SOX5: variants seen among roughly 807,000 people sequenced by gnomAD.
The protein encoded by SOX5 is transcription factor SOX-5.
SOX5 carries 9 observed loss-of-function variants against 92.0 expected under a neutral mutation model. The ratio of observed to expected loss-of-function variants is 0.10; its 90% confidence interval spans 0.06 to 0.17. SOX5 has a LOEUF of 0.17. Among genes scored for constraint, SOX5 ranks in the 10% least tolerant of loss-of-function variants. The pLI is 1.00. For synonymous variants in SOX5, 344 were observed against 336.3 expected (o/e 1.02, Z -0.25); for missense variants, 642 against 944.5 (o/e 0.68, Z 4.20).
At chr12:23,734,328 T>C (rs1205351270) in intron 6 of SOX5, among the ~76,000 whole-genome samples, 1 of 152,190 alleles carries the variant, frequency 6.6e-6, no homozygotes, top group Non-Finnish European at 1.5e-5. Flanking sequence ...CTTCTCTAAC[T>C]GAAAACCCAG....
At chr12:24,176,195 G>C (rs35546197) in intron 4 of SOX5, among the ~76,000 whole-genome samples, 1 of 152,000 alleles carries the variant, frequency 6.6e-6, no homozygotes, top group African/African-American at 2.4e-5. Flanking sequence ...TGGGTGTGGT[G>C]GTGCATGACT....
intron 6 of SOX5, among the ~76,000 whole-genome samples, chr12:23,681,840 AAT>A (rs1202206705): frequency 2.0e-5 from 3 of 151,814 alleles, no homozygotes; most frequent in African/African-American, 7.2e-5. Context: ...ATGAACATGA[AAT>A]AGTTTATAAT....
intron 2 of SOX5, among the ~76,000 whole-genome samples, chr12:23,890,432 T>C (rs2097118118): frequency 6.6e-6 from 1 of 152,154 alleles, no homozygotes; most frequent in South Asian, 2.1e-4. Flanking sequence ...TGACAACTGA[T>C]TATTCAACAA....
At chr12:23,691,242 C>A (rs2088736742) in intron 6 of SOX5, among the ~76,000 whole-genome samples, 1 of 152,198 alleles carries the variant, frequency 6.6e-6, no homozygotes, top group African/African-American at 2.4e-5. Flanking sequence ...ATGAGTACCA[C>A]AAGATTCCTA....
intron 4 of SOX5, among the ~76,000 whole-genome samples, chr12:24,087,841 A>G (rs532926785): frequency 3.9e-5 from 6 of 152,178 alleles, no homozygotes; most frequent in African/African-American, 1.4e-4. Flanking sequence ...AAACCACTCT[A>G]AATATTCACA....
chr12:24,257,566 T>C (rs1941409717), intron 3 of SOX5, among the ~76,000 whole-genome samples: 1 of 152,078 alleles, frequency 6.6e-6, no homozygotes, highest in East Asian at 1.9e-4. Context: ...CCTACCAGGT[T>C]CAAGCAATTC....
intron 9 of SOX5, among the ~76,000 whole-genome samples, chr12:23,598,201 C>T (rs1372384664): frequency 6.6e-6 from 1 of 152,046 alleles, no homozygotes; most frequent in African/African-American, 2.4e-5. Flanking sequence ...TTGGAAATAA[C>T]ACCTCTAGAA....
At chr12:24,136,385 C>T (rs1039306877) in intron 4 of SOX5, among the ~76,000 whole-genome samples, 60 of 152,226 alleles carry the variant, frequency 3.9e-4, no homozygotes, top group Admixed American at 2.6e-3. Flanking sequence ...GGAGAGCAAG[C>T]AAGCATTGTT....
intron 4 of SOX5, among the ~76,000 whole-genome samples, chr12:24,064,824 T>G (rs974565646): frequency 2.4e-4 from 37 of 152,200 alleles, no homozygotes; most frequent in Admixed American, 2.6e-4. Context: ...TTCAAAATCT[T>G]CCTGCTAATA....
chr12:24,270,454 A>G (rs1197204965), intron 3 of SOX5, among the ~76,000 whole-genome samples: 1 of 152,206 alleles, frequency 6.6e-6, no homozygotes, highest in African/African-American at 2.4e-5. Flanking sequence ...TATTTCTCCC[A>G]CTTAAAGCAT....
At chr12:23,940,190 A>G (rs1454299569) in intron 1 of SOX5, among the ~76,000 whole-genome samples, 3 of 151,314 alleles carry the variant, frequency 2.0e-5, no homozygotes, top group Non-Finnish European at 3.0e-5. Flanking sequence ...ATTGTTCAGA[A>G]TAGTGATCTG....
intron 4 of SOX5, among the ~76,000 whole-genome samples, chr12:24,123,552 T>C (rs543830842): frequency 6.6e-6 from 1 of 152,322 alleles, no homozygotes; most frequent in South Asian, 2.1e-4. Flanking sequence ...CATCATGTAG[T>C]TGAAATGTGA....
intron 1 of SOX5, among the ~76,000 whole-genome samples, chr12:24,548,292 C>T (rs1952837628): frequency 6.6e-6 from 1 of 152,144 alleles, no homozygotes; most frequent in Admixed American, 6.5e-5. Flanking sequence ...ACAATAGATG[C>T]TGAAAGCCAT....
intron 2 of SOX5, among the ~76,000 whole-genome samples, chr12:23,894,313 T>G (rs2097156988): frequency 6.6e-6 from 1 of 151,996 alleles, no homozygotes; most frequent in East Asian, 1.9e-4. Flanking sequence ...CTGCAACCTC[T>G]GCCTCCTGGG....
chr12:23,782,288 T>C (rs564692148), intron 3 of SOX5, among the ~76,000 whole-genome samples: 1 of 152,160 alleles, frequency 6.6e-6, no homozygotes, highest in Non-Finnish European at 1.5e-5. Context: ...ACAATGAGAA[T>C]ACGTGTGATC....
intron 3 of SOX5, among the ~76,000 whole-genome samples, chr12:24,249,711 T>C (rs74068470): frequency 0.016 from 2,419 of 152,278 alleles, 41 homozygotes; most frequent in African/African-American, 0.049. Flanking sequence ...TAATGAACCA[T>C]TGCAGCTGGA....
At chr12:24,349,953 C>T (rs1342132327) in intron 2 of SOX5, among the ~76,000 whole-genome samples, 4 of 152,082 alleles carry the variant, frequency 2.6e-5, no homozygotes, top group Non-Finnish European at 5.9e-5. Flanking sequence ...CTTTTTCTTT[C>T]TATATTTCCA....
intron 2 of SOX5, among the ~76,000 whole-genome samples, chr12:24,349,414 T>A (rs757357952): frequency 1.8e-4 from 28 of 152,168 alleles, no homozygotes; most frequent in Non-Finnish European, 1.8e-4. Flanking sequence ...CTATAGCCCT[T>A]TGACAATAAG....
At chr12:24,314,521 T>TA (rs1350718668) in intron 2 of SOX5, among the ~76,000 whole-genome samples, 1 of 149,788 alleles carries the variant, frequency 6.7e-6, no homozygotes, top group Non-Finnish European at 1.5e-5. Context: ...ATAATAAAAA[T>TA]AAAAATTAAA....
Sources: gnomAD v4.1 joint callset for allele counts (sites outside exome capture counted in the v4.1 genomes callset) on GRCh38, gnomAD v4.1.1 for gene constraint, MANE v1.5 for transcripts, NCBI Gene and HGNC (gene_info 2026-07-23, HGNC 2026-07-21) for gene names.